Variants in TSPAN14 observed in about 807,000 individuals in gnomAD.
The protein encoded by TSPAN14 is tetraspanin-14.
A neutral mutation model predicts 36.6 loss-of-function variants in TSPAN14; 16 were observed. The observed-to-expected ratio is 0.44, with a 90% CI of 0.30 to 0.66. The LOEUF (loss-of-function observed/expected upper bound fraction) is 0.66. TSPAN14 is among the 30% of genes least tolerant of loss of function. TSPAN14 has a pLI of 0.12. For synonymous variants in TSPAN14, 139 were observed against 143.8 expected (o/e 0.97, Z 0.24); for missense variants, 231 against 355.1 (o/e 0.65, Z 2.81).
chr10:80,517,588 A>C (rs1051586849), intron 8 of TSPAN14, among the ~76,000 whole-genome samples: 1 of 152,254 alleles, frequency 6.6e-6, no homozygotes, highest in African/African-American at 2.4e-5. Flanking sequence ...ACCCAGGGAC[A>C]GGCGTGTCCT....
chr10:80,494,992 G>A (rs1209409817), intron 2 of TSPAN14, among the ~76,000 whole-genome samples: 2 of 152,142 alleles, frequency 1.3e-5, no homozygotes, highest in African/African-American at 4.8e-5. Context: ...CTTAAGATAC[G>A]CATTTTCACA....
chr10:80,461,693 G>T (rs1845976879), intron 1 of TSPAN14, among the ~76,000 whole-genome samples: 1 of 152,116 alleles, frequency 6.6e-6, no homozygotes, highest in South Asian at 2.1e-4. Context: ...GGCAAAGGCA[G>T]GTGCCAGGAT....
At chr10:80,505,625 C>T (rs1283514702) in intron 3 of TSPAN14, among the ~76,000 whole-genome samples, 4 of 152,200 alleles carry the variant, frequency 2.6e-5, no homozygotes, top group African/African-American at 9.6e-5. Context: ...TGGATAAGGC[C>T]CACCTTCAGG....
chr10:80,509,164 G>A lies in TSPAN14; in HGVS notation c.280-137G>A. Reference sequence around the variant, plus strand: ...CAGCTAACTCTAAGTGTGGGGTTCTGGGGCCCCGATGTGGGACTCTCAGGT... The same window carrying A: ...CAGCTAACTCTAAGTGTGGGGTTCTAGGGCCCCGATGTGGGACTCTCAGGT... On this transcript the variant is annotated intron_variant, in intron 4 of 8. Transcript: ENST00000429989. The surrounding 1 kb of genome is among the most constrained non-coding windows in gnomAD (Gnocchi z 4.7). 1.1e-6 allele frequency: 1 copy of A among 889,314 alleles called. No individual in the cohort carries two copies. Among genetic ancestry groups the A allele is most frequent in the South Asian group, 1.7e-5 (1 of 57,890 alleles). 55.1% of individuals were successfully genotyped at this position (889,314 alleles called of 1,614,324 possible). A position where few individuals can be genotyped will look rare whatever the true frequency, so the allele number is the denominator to read the frequency against.
intron 2 of TSPAN14, among the ~76,000 whole-genome samples, 181 bp from the exon 3 acceptor site, chr10:80,504,547 T>A (rs546328537): frequency 5.1e-4 from 77 of 152,274 alleles, no homozygotes; most frequent in African/African-American, 1.8e-3. Context: ...GTTGAAGGAG[T>A]TTGTCCAGAT....
At chr10:80,473,167 T>G (rs1162047911) in intron 1 of TSPAN14, among the ~76,000 whole-genome samples, 1 of 152,160 alleles carries the variant, frequency 6.6e-6, no homozygotes, top group Non-Finnish European at 1.5e-5. Context: ...CTGGACTAGG[T>G]GACCTCCATT....
rs947068330 is a variant in TSPAN14, at chr10:80,496,915, T to A, written c.81+7601T>A. On this transcript the variant is annotated intron_variant, in intron 2 of 8. Coordinates refer to ENST00000429989, the Ensembl canonical transcript of TSPAN14. Reference sequence around the variant, plus strand: ...GTTTTGAAGTTGTTGGGATTTCATCTTCTTTGTCATTCTTGTGTCTTCTAT... The same window carrying A: ...GTTTTGAAGTTGTTGGGATTTCATCATCTTTGTCATTCTTGTGTCTTCTAT... Among the ~76,000 whole-genome samples the A allele has an allele frequency of 1.7e-4, 26 of 152,332 alleles. No homozygotes were observed. The East Asian group carries it at 4.6e-3, about 27-fold the overall frequency.
At chr10:80,455,567 C>T (rs1418733031) in intron 1 of TSPAN14, among the ~76,000 whole-genome samples, 1 of 152,104 alleles carries the variant, frequency 6.6e-6, no homozygotes, top group Non-Finnish European at 1.5e-5. Flanking sequence ...GCAGTTAGTG[C>T]CTGCTGAGTG....
At chr10:80,490,746 A>G (rs186883010) in intron 2 of TSPAN14, among the ~76,000 whole-genome samples, 2 of 152,282 alleles carry the variant, frequency 1.3e-5, no homozygotes, top group East Asian at 3.9e-4. Flanking sequence ...GAGGAGAAGA[A>G]AAATTTGGAC....
At chr10:80,517,923 G>C in exon 9 of TSPAN14, 1 of 1,566,480 alleles carries the variant, frequency 6.4e-7, no homozygotes, top group Non-Finnish European at 8.7e-7. Context: ...CATCTTCCTG[G>C]CAAGGACGCT....
exon 9 of TSPAN14, chr10:80,521,672 G>T (rs997911390): frequency 6.6e-6 from 1 of 152,128 alleles, no homozygotes; most frequent in African/African-American, 2.4e-5. Context: ...TCCTTATCAA[G>T]TTGGCAAGGC....
chr10:80,474,790 C>T (rs771115799), intron 1 of TSPAN14, among the ~76,000 whole-genome samples: 5 of 152,144 alleles, frequency 3.3e-5, no homozygotes, highest in African/African-American at 4.8e-5. Context: ...TCTCAGTTCA[C>T]TTTTCTCCAC....
chr10:80,469,032 C>A (rs1158482910), intron 1 of TSPAN14, among the ~76,000 whole-genome samples: 3 of 152,182 alleles, frequency 2.0e-5, no homozygotes, highest in Admixed American at 2.0e-4. Flanking sequence ...TCCTTCCCCT[C>A]TGGGTGTGCA....
At chr10:80,503,449 C>T (rs1413989913) in intron 2 of TSPAN14, among the ~76,000 whole-genome samples, 1 of 151,994 alleles carries the variant, frequency 6.6e-6, no homozygotes, top group Non-Finnish European at 1.5e-5. Flanking sequence ...GCCCTTCTCC[C>T]CACTGCCTGA....
exon 9 of TSPAN14, chr10:80,517,939 C>T: frequency 6.4e-7 from 1 of 1,567,446 alleles, no homozygotes; most frequent in Non-Finnish European, 8.7e-7. Context: ...ACGCTGATCT[C>T]AGACATCGAG....
At chr10:80,490,206 G>T (rs1457383075) in intron 2 of TSPAN14, among the ~76,000 whole-genome samples, 3 of 152,168 alleles carry the variant, frequency 2.0e-5, no homozygotes, top group Non-Finnish European at 1.5e-5. Flanking sequence ...TGGGATTTGG[G>T]GTAGAAGGGG....
chr10:80,519,168 G>A (rs1841114590), exon 9 of TSPAN14: 1 of 152,702 alleles, frequency 6.5e-6, no homozygotes, highest in African/African-American at 2.4e-5. Flanking sequence ...TCTCCCCGGA[G>A]ACAGCCGTTC....
intron 1 of TSPAN14, among the ~76,000 whole-genome samples, chr10:80,475,185 A>G (rs1846788007): frequency 6.6e-6 from 1 of 152,188 alleles, no homozygotes; most frequent in Admixed American, 6.5e-5. Flanking sequence ...GCTCACAAAC[A>G]GCTGGTTCTT....
At chr10:80,486,806 A>T (rs1589266033) in intron 1 of TSPAN14, among the ~76,000 whole-genome samples, 1 of 152,244 alleles carries the variant, frequency 6.6e-6, no homozygotes, top group South Asian at 2.1e-4. Context: ...GTTCTCTGTG[A>T]TAAATGTACT....
Sources: gnomAD v4.1 joint callset for allele counts (sites outside exome capture counted in the v4.1 genomes callset) on GRCh38, gnomAD v4.1.1 for gene constraint, Gnocchi (gnomAD v3.1) non-coding constraint, MANE v1.5 for transcripts, NCBI Gene and HGNC (gene_info 2026-07-23, HGNC 2026-07-21) for gene names.